Variants in ABCA12 observed in about 807,000 individuals in gnomAD.
ABCA12 encodes the protein ATP binding cassette subfamily A member 12, also known as glucosylceramide transporter ABCA12.
Under a neutral mutation model 293.5 loss-of-function variants are expected in ABCA12, and 156 were observed. The ratio of observed to expected loss-of-function variants is 0.53; its 90% CI spans 0.47 to 0.61. The LOEUF (loss-of-function observed/expected upper bound fraction) is 0.61, where lower values mean the gene tolerates loss of function less well. Ranked by LOEUF, ABCA12 falls within the 20% of genes least tolerant of loss-of-function variation. ABCA12 has a pLI of 0.00. For synonymous variants in ABCA12, 1,063 were observed against 1,108.0 expected, an observed-to-expected ratio of 0.96 and a Z score of 0.81; for missense variants, 2,797 against 3,090.2, an observed-to-expected ratio of 0.91 and a Z score of 2.25.
chr2:215,019,213 A>C, intron 13 of ABCA12, 123 bp downstream of exon 13: 1 of 790,466 alleles, frequency 1.3e-6, no homozygotes, highest in South Asian at 1.5e-5. Context: ...CAGGTTTCTC[A>C]TGTGTAAGGG....
At chr2:215,028,331 C>T (rs1254779232) in intron 9 of ABCA12, among the ~76,000 whole-genome samples, 1 of 152,172 alleles carries the variant, frequency 6.6e-6, no homozygotes, top group Non-Finnish European at 1.5e-5. Flanking sequence ...AAATACATGG[C>T]AAGAAAAGTC....
chr2:214,999,891 A>T, intron 22 of ABCA12: 1 of 937,584 alleles, frequency 1.1e-6, no homozygotes, highest in Non-Finnish European at 1.3e-6. Flanking sequence ...AGAAAAAAGA[A>T]GAGAAAAGAA....
intron 51 of ABCA12, among the ~76,000 whole-genome samples, chr2:214,935,135 A>G (rs1429810836): frequency 1.3e-5 from 2 of 152,254 alleles, no homozygotes; most frequent in Non-Finnish European, 2.9e-5. Context: ...AGCGTCTCCC[A>G]TTGACATGCA....
intron 2 of ABCA12, among the ~76,000 whole-genome samples, chr2:215,088,705 G>T (rs1464195909): frequency 6.6e-6 from 1 of 152,044 alleles, no homozygotes; most frequent in African/African-American, 2.4e-5. Context: ...TTTAATAAAT[G>T]GGAAGAGGCA....
In ABCA12 at chr2:214,932,257, C is replaced by A; in HGVS notation, c.*377G>T. ...TTGCCCGGTGGCACCTGCCACAAAC[C>A]ATCTGACTTTTCTTCTCCACTCTTA... On this transcript the variant is annotated 3_prime_UTR_variant, in exon 53 of 53. Transcript: ENST00000272895. The A allele has an allele frequency of 4.1e-6, 1 of 241,788 alleles. No individual in the cohort carries two copies. The highest frequency in any genetic ancestry group is 8.2e-6 in the Non-Finnish European group (1 of 122,664). The allele number at this position is 241,788 out of a possible 1,614,324, so 15.0% of individuals were successfully genotyped here. A position where few individuals can be genotyped will look rare whatever the true frequency, so the allele number is the denominator to read the frequency against.
chr2:214,956,509 A>G (rs781325768), intron 42 of ABCA12, among the ~76,000 whole-genome samples, 154 bp downstream of exon 42: 2 of 152,166 alleles, frequency 1.3e-5, no homozygotes, highest in Non-Finnish European at 2.9e-5. Context: ...TTTGCAGTCT[A>G]TGGACTAGCA....
At chr2:215,113,516 C>A (rs563365404) in intron 1 of ABCA12, among the ~76,000 whole-genome samples, 1 of 152,258 alleles carries the variant, frequency 6.6e-6, no homozygotes, top group South Asian at 2.1e-4. Context: ...TTCTAAGAAG[C>A]TCCCAGGTAA....
intron 1 of ABCA12, among the ~76,000 whole-genome samples, chr2:215,114,740 T>C (rs1378756738): frequency 6.6e-6 from 1 of 152,226 alleles, no homozygotes; most frequent in Non-Finnish European, 1.5e-5. Flanking sequence ...GTATCGTCTT[T>C]ATTTTATGTT....
At chr2:215,080,880 C>G (rs1173321686) in intron 2 of ABCA12, 1 of 152,448 alleles carries the variant, frequency 6.6e-6, no homozygotes, top group African/African-American at 2.4e-5. Context: ...TTAGAACTAC[C>G]AGGTAATCCT....
intron 2 of ABCA12, among the ~76,000 whole-genome samples, chr2:215,100,019 T>C (rs1378541143): frequency 6.8e-6 from 1 of 146,900 alleles, no homozygotes; most frequent in East Asian, 2.0e-4. Context: ...TCTCTCTCTT[T>C]TTTTTTTTTT....
At chr2:215,123,292 C>T (rs1702847107) in intron 1 of ABCA12, among the ~76,000 whole-genome samples, 1 of 152,108 alleles carries the variant, frequency 6.6e-6, no homozygotes, top group African/African-American at 2.4e-5. Flanking sequence ...CTGCCTCAGC[C>T]TCCCAAGTAG....
At chr2:215,117,528 A>C (rs1702711197) in intron 1 of ABCA12, among the ~76,000 whole-genome samples, 1 of 152,228 alleles carries the variant, frequency 6.6e-6, no homozygotes, top group African/African-American at 2.4e-5. Context: ...GCTAAGAACT[A>C]TTATTTCAAG....
chr2:215,104,942 G>A (rs1702433797), intron 2 of ABCA12, among the ~76,000 whole-genome samples: 1 of 152,102 alleles, frequency 6.6e-6, no homozygotes, highest in African/African-American at 2.4e-5. Context: ...AAAATAAATA[G>A]CAAACCAAAA....
rs754348711 is a variant in ABCA12, at chr2:214,973,969, A to G, written c.5542T>C (p.Ser1848Pro). ...CTTACCTGGACATTTTCTGAGCAGGAGCAAACACCAAAATTAGTGATGGGT... is the reference window on the plus strand; with the variant it reads ...CTTACCTGGACATTTTCTGAGCAGGGGCAAACACCAAAATTAGTGATGGGT... ...GEPITNFGVC[S>P]CSENVQECPK... The change falls in exon 36 of 53, where the codon TCC becomes CCC. Residue 1848 changes from serine to proline, a missense_variant. Physicochemically the swap from Ser to Pro is moderately conservative, Grantham distance 74. Transcript: ENST00000272895. The G allele has an allele frequency of 1.9e-6, 3 of 1,613,888 alleles. No homozygotes were observed. The African/African-American group carries it at 4.0e-5, about 22-fold the overall frequency.
At chr2:215,068,467 A>T (rs1243525172) in intron 2 of ABCA12, among the ~76,000 whole-genome samples, 5 of 152,160 alleles carry the variant, frequency 3.3e-5, no homozygotes, top group Admixed American at 6.5e-5. Flanking sequence ...AACAGGCAAT[A>T]GGCTGGAATT....
intron 36 of ABCA12, among the ~76,000 whole-genome samples, chr2:214,971,341 T>A (rs1034038016): frequency 5.9e-5 from 9 of 152,278 alleles, no homozygotes; most frequent in South Asian, 4.1e-4. Context: ...TACTCTTATG[T>A]ATTCGTGTAA....
intron 1 of ABCA12, among the ~76,000 whole-genome samples, chr2:215,121,021 G>A (rs1702794638): frequency 6.6e-6 from 1 of 152,180 alleles, no homozygotes; most frequent in Admixed American, 6.5e-5. Flanking sequence ...AATGATAATA[G>A]CTAATATATA....
rs756786144 is a variant in ABCA12, at chr2:214,932,605, A to G, written c.*29T>C. 2 of 1,511,712 alleles carry G rather than the reference A, an allele frequency of 1.3e-6. No individual in the cohort carries two copies. The highest frequency in any genetic ancestry group is 9.2e-7 in the Non-Finnish European group (1 of 1,087,284). The allele number at this position is 1,511,712 out of a possible 1,614,324, so 93.6% of individuals were successfully genotyped here. A position where few individuals can be genotyped will look rare whatever the true frequency, so the allele number is the denominator to read the frequency against. On this transcript the variant is annotated 3_prime_UTR_variant, in exon 53 of 53. Coordinates refer to ENST00000272895, the MANE Select transcript of ABCA12 (RefSeq NM_173076.3). The stretch of plus-strand genomic sequence containing the variant: ...TTTCTTCAAAATGAAGCCATTGGTC[A>G]CACGCTGAGATTGAGTTTGCTGGAA...
At chr2:215,094,166 G>A (rs1244145708) in intron 2 of ABCA12, among the ~76,000 whole-genome samples, 1 of 152,124 alleles carries the variant, frequency 6.6e-6, no homozygotes, top group Non-Finnish European at 1.5e-5. Context: ...GCACCACCAT[G>A]CTGTTACATG....
Sources: allele counts gnomAD v4.1 joint callset (sites outside exome capture counted in the v4.1 genomes callset), GRCh38; gene constraint gnomAD v4.1.1; transcripts MANE v1.5; gene names NCBI Gene and HGNC (gene_info 2026-07-23, HGNC 2026-07-21).